Variants in SAMMSON observed in about 807,000 individuals in gnomAD.
SAMMSON encodes survival associated mitochondrial melanoma specific oncogenic non-coding RNA.
At chr3:70,201,563 G>A (rs1460304169) in intron 4 of SAMMSON, among the ~76,000 whole-genome samples, 1 of 152,130 alleles carries the variant, frequency 6.6e-6, no homozygotes, top group Admixed American at 6.5e-5. Flanking sequence ...TATGATCCCT[G>A]TTTATGGATG....
At chr3:70,120,536 T>C (rs940440723) in intron 4 of SAMMSON, 2 of 152,234 alleles carry the variant, frequency 1.3e-5, no homozygotes, top group Non-Finnish European at 2.9e-5. Flanking sequence ...ACGCATGTAC[T>C]CTGGAGTGTT....
At chr3:70,000,885 A>G (rs758025517) in intron 1 of SAMMSON, among the ~76,000 whole-genome samples, 2 of 152,230 alleles carry the variant, frequency 1.3e-5, no homozygotes, top group Non-Finnish European at 2.9e-5. Context: ...AAACCTCTAA[A>G]GAGCTGGAGC....
At chr3:70,208,094 T>C (rs1576155399) in intron 4 of SAMMSON, among the ~76,000 whole-genome samples, 1 of 152,202 alleles carries the variant, frequency 6.6e-6, no homozygotes, top group South Asian at 2.1e-4. Flanking sequence ...AGGACCAGAC[T>C]GGGTCATGGT....
At chr3:70,196,757 C>A (rs1576151129) in intron 4 of SAMMSON, 1 of 394,052 alleles carries the variant, frequency 2.5e-6, no homozygotes, top group Non-Finnish European at 4.5e-6. Flanking sequence ...GGAATAAGAC[C>A]ATTGAGTTGA....
intron 4 of SAMMSON, among the ~76,000 whole-genome samples, chr3:70,184,909 T>C (rs1483597847): frequency 6.6e-6 from 1 of 152,212 alleles, no homozygotes; most frequent in Non-Finnish European, 1.5e-5. Flanking sequence ...TGCAGTGACC[T>C]TTCCCTGTAA....
chr3:70,366,492 G>GTTTTTTTTT, intron 9 of SAMMSON, among the ~76,000 whole-genome samples: 6 of 100,752 alleles, frequency 6.0e-5, no homozygotes, highest in African/African-American at 1.4e-4. Flanking sequence ...GTGTTTTTAT[G>GTTTTTTTTT]TTTTTTTTTT....
chr3:70,082,284 A>G (rs1434498704), intron 4 of SAMMSON, among the ~76,000 whole-genome samples: 1 of 152,218 alleles, frequency 6.6e-6, no homozygotes, highest in African/African-American at 2.4e-5. Flanking sequence ...CAAATAATCC[A>G]TATAACAAAT....
intron 4 of SAMMSON, among the ~76,000 whole-genome samples, chr3:70,225,843 G>A (rs548196241): frequency 6.6e-6 from 1 of 152,294 alleles, no homozygotes; most frequent in South Asian, 2.1e-4. Flanking sequence ...AATGAGCTTT[G>A]TTTAGACAAA....
chr3:70,163,771 G>A (rs962269810), intron 4 of SAMMSON, among the ~76,000 whole-genome samples: 1 of 151,976 alleles, frequency 6.6e-6, no homozygotes, highest in Admixed American at 6.6e-5. Context: ...TAAAACAACG[G>A]CCTCTTAATT....
chr3:70,196,885 C>A, intron 4 of SAMMSON: 1 of 398,304 alleles, frequency 2.5e-6, no homozygotes, highest in Non-Finnish European at 4.4e-6. Flanking sequence ...AATTTCCCAC[C>A]GTGGCCAAAA....
At chr3:70,086,719 C>A (rs1020407929) in intron 4 of SAMMSON, among the ~76,000 whole-genome samples, 8 of 152,182 alleles carry the variant, frequency 5.3e-5, no homozygotes, top group African/African-American at 1.9e-4. Context: ...TGAATTCTTT[C>A]AAATGTCCTT....
chr3:70,277,284 A>G (rs1239916868), intron 6 of SAMMSON, among the ~76,000 whole-genome samples: 5 of 152,192 alleles, frequency 3.3e-5, no homozygotes, highest in African/African-American at 1.2e-4. Flanking sequence ...TACATATGAA[A>G]TTCATTTTGT....
Position 70,315,057 on chromosome 3 carries a change from G to C in SAMMSON, n.739+23814G>C, listed in dbSNP as rs534234295. Reference sequence around the variant, plus strand: ...ACTTATAAATGCTTTCCACTTGCCTGACTTTTCCAATTACTATGATATAAT... The same window carrying C: ...ACTTATAAATGCTTTCCACTTGCCTCACTTTTCCAATTACTATGATATAAT... On this transcript the variant is annotated intron_variant and non_coding_transcript_variant, in intron 7 of 9. Coordinates refer to ENST00000642114, the Ensembl canonical transcript of SAMMSON. Among the ~76,000 whole-genome samples the C allele has an allele frequency of 1.1e-4, 16 of 152,240 alleles. No homozygotes were observed. In the South Asian group the frequency reaches 2.9e-3, roughly 28 times the overall value.
At chr3:70,037,422 A>G (rs945869297) in intron 3 of SAMMSON, among the ~76,000 whole-genome samples, 10 of 151,828 alleles carry the variant, frequency 6.6e-5, no homozygotes, top group Admixed American at 3.3e-4. Context: ...TCATAACTCA[A>G]TCTCCTCCTC....
intron 1 of SAMMSON, among the ~76,000 whole-genome samples, chr3:70,004,549 A>C (rs1275892620): frequency 6.6e-6 from 1 of 152,200 alleles, no homozygotes; most frequent in African/African-American, 2.4e-5. Context: ...TACAGCTTAA[A>C]AGAGGTACAG....
intron 7 of SAMMSON, among the ~76,000 whole-genome samples, chr3:70,350,477 A>G (rs1486849358): frequency 1.3e-5 from 2 of 152,116 alleles, no homozygotes; most frequent in South Asian, 2.1e-4. Flanking sequence ...AATAAATTAT[A>G]CTGGAAACAT....
At chr3:70,358,428 C>T (rs1702845601) in intron 9 of SAMMSON, 1 of 152,178 alleles carries the variant, frequency 6.6e-6, no homozygotes, top group Non-Finnish European at 1.5e-5. Flanking sequence ...TTAATATTTA[C>T]CAGCATATGG....
chr3:70,123,451 G>C (rs116118201), intron 4 of SAMMSON, among the ~76,000 whole-genome samples: 1 of 152,032 alleles, frequency 6.6e-6, no homozygotes, highest in Non-Finnish European at 1.5e-5. Flanking sequence ...TTGTATTTTT[G>C]TAAAGACAAG....
intron 1 of SAMMSON, among the ~76,000 whole-genome samples, chr3:70,001,313 C>T (rs1467414095): frequency 6.6e-6 from 1 of 152,052 alleles, no homozygotes; most frequent in African/African-American, 2.4e-5. Context: ...ATTCACTCTG[C>T]CACTATTTAT....
Sources: gnomAD v4.1 joint callset for allele counts (sites outside exome capture counted in the v4.1 genomes callset) on GRCh38, gnomAD v4.1.1 for gene constraint, MANE v1.5 for transcripts, NCBI Gene and HGNC (gene_info 2026-07-23, HGNC 2026-07-21) for gene names.